Variants in AGAP1 observed in about 807,000 individuals in gnomAD.
AGAP1 encodes arf-GAP with GTPase, ANK repeat and PH domain-containing protein 1.
Under a neutral mutation model 105.3 loss-of-function variants are expected in AGAP1, and 29 were observed. The ratio of observed to expected loss-of-function variants is 0.28; its 90% CI spans 0.21 to 0.38. The LOEUF is 0.38. Among genes scored for constraint, AGAP1 ranks in the 10% least tolerant of loss-of-function variants. AGAP1 has a pLI of 1.00. For synonymous variants in AGAP1, 509 were observed against 485.9 expected, an observed-to-expected ratio of 1.05 and a Z score of -0.63; for missense variants, 998 against 1,165.1, an observed-to-expected ratio of 0.86 and a Z score of 2.09.
chr2:235,618,420 T>C (rs1946374911), intron 1 of AGAP1, among the ~76,000 whole-genome samples: 1 of 152,160 alleles, frequency 6.6e-6, no homozygotes, highest in African/African-American at 2.4e-5. Flanking sequence ...TTGAAGCCCC[T>C]ATCTGTCCAG....
At chr2:235,761,285 C>G (rs1404094630) in intron 6 of AGAP1, among the ~76,000 whole-genome samples, 1 of 152,150 alleles carries the variant, frequency 6.6e-6, no homozygotes. Context: ...GCTTCTCTTA[C>G]TAGAAACGTT....
At position 235,717,580 on chromosome 2, in the gene AGAP1, C is replaced by T. The variant is rs747735033; in HGVS notation, c.246C>T (p.Ser82=). ...AGGGAATTGTGGGTAACTTGGCCAGCGGCAAGTCTGCCCTGGTGCACCGGT... is the reference window on the plus strand; with the variant it reads ...AGGGAATTGTGGGTAACTTGGCCAGTGGCAAGTCTGCCCTGGTGCACCGGT... ...LKVGIVGNLA[S]GKSALVHRYL... Residue 82 remains serine (S), a synonymous_variant, in exon 3 of 18, where the codon AGC becomes AGT. Transcript: ENST00000304032. 1.7e-5 allele frequency: 28 copies of T among 1,600,304 alleles called. No homozygotes were observed. The highest frequency in any genetic ancestry group is 9.4e-5 in the African/African-American group (7 of 74,154).
intron 16 of AGAP1, among the ~76,000 whole-genome samples, chr2:236,066,982 C>T (rs1011340393): frequency 6.6e-6 from 1 of 151,980 alleles, no homozygotes; most frequent in Non-Finnish European, 1.5e-5. Context: ...ATACATTTTC[C>T]CCATGTAAGG....
chr2:235,874,448 C>T lies in AGAP1; in HGVS notation c.1051-8897C>T, dbSNP rs550114180. On this transcript the variant is annotated intron_variant, in intron 9 of 17. Coordinates refer to ENST00000304032, the MANE Select transcript of AGAP1 (RefSeq NM_001037131.3). This position sits in a 1 kb window ranked among gnomAD's most constrained non-coding sequence, Gnocchi z 4.5. ...TGCAGCAGCTTCTCAGACATGGCTG[C>T]CCTCATGCCTCCTTGGGGCCAGGGC... 1.0e-3 allele frequency among the ~76,000 whole-genome samples: 152 copies of T among 152,320 alleles called. No individual in the cohort carries two copies. Among genetic ancestry groups the T allele is most frequent in the African/African-American group, 3.4e-3 (141 of 41,558 alleles).
intron 1 of AGAP1, among the ~76,000 whole-genome samples, chr2:235,638,018 C>A: frequency 6.6e-6 from 1 of 152,186 alleles, no homozygotes; most frequent in African/African-American, 2.4e-5. Flanking sequence ...ACTGATCGAG[C>A]TGTTATCTCT....
At chr2:235,846,340 T>C (rs80118247) in intron 9 of AGAP1, among the ~76,000 whole-genome samples, 4,059 of 152,260 alleles carry the variant, frequency 0.027, 164 homozygotes, top group African/African-American at 0.089. Context: ...ATTATTTATT[T>C]ATTGACAGAA....
intron 9 of AGAP1, among the ~76,000 whole-genome samples, chr2:235,812,360 T>A (rs1218829679): frequency 6.6e-6 from 1 of 152,196 alleles, no homozygotes; most frequent in Non-Finnish European, 1.5e-5. Context: ...TGAACTGTTT[T>A]GAAGCTGTGC....
rs1317367140 is a variant in AGAP1 at position 235,904,724 on chromosome 2, C to CT, written c.1156-4011dup. Among the ~76,000 whole-genome samples the CT allele has an allele frequency of 1.3e-5, 2 of 152,140 alleles. No individual in the cohort carries two copies. Among genetic ancestry groups the CT allele is most frequent in the Admixed American group, 6.5e-5 (1 of 15,270 alleles). On this transcript the variant is annotated intron_variant, in intron 10 of 17. Coordinates refer to ENST00000304032, the MANE Select transcript of AGAP1 (RefSeq NM_001037131.3). This position sits in a 1 kb window ranked among gnomAD's most constrained non-coding sequence, Gnocchi z 4.2. The stretch of plus-strand genomic sequence containing the variant: ...GGAGGACATTGTTTAGTGGTTGTAG[C>CT]TTTAATTCCTCAAGTACCAAGCTGG...
chr2:236,014,654 G>A lies in AGAP1; in HGVS notation c.1646-21907G>A, dbSNP rs369314700. 6.6e-6 allele frequency among the ~76,000 whole-genome samples: 1 copy of A among 152,120 alleles called. No individual in the cohort carries two copies. The highest frequency in any genetic ancestry group is 6.5e-5 in the Admixed American group (1 of 15,278). On this transcript the variant is annotated intron_variant, in intron 13 of 17. Coordinates refer to ENST00000304032, the MANE Select transcript of AGAP1 (RefSeq NM_001037131.3). This position sits in a 1 kb window ranked among gnomAD's most constrained non-coding sequence, Gnocchi z 6.3. ...GGAGTTGGAGGGCTCAGCCCAGGGA[G>A]CTCCATGGCACCCACCCGCTTCGCG...
chr2:235,984,754 C>T (rs2055239081), intron 13 of AGAP1, among the ~76,000 whole-genome samples: 1 of 152,160 alleles, frequency 6.6e-6, no homozygotes, highest in Admixed American at 6.5e-5. Context: ...CTTCCAGCTT[C>T]ATCCATGTCC....
intron 1 of AGAP1, among the ~76,000 whole-genome samples, chr2:235,501,621 A>AT: frequency 6.6e-6 from 1 of 152,082 alleles, no homozygotes; most frequent in East Asian, 1.9e-4. Context: ...CAGGCGTTTT[A>AT]TTTTGTTAAG....
intron 1 of AGAP1, among the ~76,000 whole-genome samples, chr2:235,575,037 C>T (rs1944687338): frequency 6.6e-6 from 1 of 152,018 alleles, no homozygotes; most frequent in South Asian, 2.1e-4. Flanking sequence ...GTGGGATGAT[C>T]GCTGGAGCTT....
At position 235,667,207 on chromosome 2, in the gene AGAP1, G is replaced by T. The variant is rs541453016; in HGVS notation, c.164-41972G>T. On this transcript the variant is annotated intron_variant, in intron 1 of 17. Coordinates refer to ENST00000304032, the MANE Select transcript of AGAP1 (RefSeq NM_001037131.3). Reference sequence around the variant, plus strand: ...CACGTAGCCTTAGCATTTTTCGGGAGTTGGGTCAATTCTTTGAGGACAGAA... The same window carrying T: ...CACGTAGCCTTAGCATTTTTCGGGATTTGGGTCAATTCTTTGAGGACAGAA... Among the ~76,000 whole-genome samples, 5 of 152,276 alleles carry T rather than the reference G, an allele frequency of 3.3e-5. No individual in the cohort carries two copies. In the East Asian group the frequency reaches 7.7e-4, roughly 24 times the overall value.
chr2:236,059,641 T>G (rs1436377243), intron 16 of AGAP1, among the ~76,000 whole-genome samples: 2 of 152,126 alleles, frequency 1.3e-5, no homozygotes, highest in East Asian at 3.9e-4. Context: ...TGAAGCGGAA[T>G]CGAGAGTCCA....
chr2:235,622,611 C>T lies in AGAP1; in HGVS notation c.164-86568C>T, dbSNP rs186137269. Among the ~76,000 whole-genome samples the T allele has an allele frequency of 2.6e-5, 4 of 152,202 alleles. No homozygotes were observed. Among genetic ancestry groups the T allele is most frequent in the East Asian group, 3.9e-4 (2 of 5,176 alleles). ...TCAACTTTGACGCTTCAGCCAACGT[C>T]GGTTTTGAGAATGCGACCTATGAAA... is the stretch of plus-strand genomic sequence containing the variant. On this transcript the variant is annotated intron_variant, in intron 1 of 17. Coordinates refer to ENST00000304032, the MANE Select transcript of AGAP1 (RefSeq NM_001037131.3). The surrounding 1 kb of genome is among the most constrained non-coding windows in gnomAD (Gnocchi z 5.0).
At chr2:235,763,076 G>C (rs1212478171) in intron 6 of AGAP1, among the ~76,000 whole-genome samples, 1 of 151,138 alleles carries the variant, frequency 6.6e-6, no homozygotes, top group Non-Finnish European at 1.5e-5. Context: ...GCGCACACGT[G>C]CACCTGCCGT....
chr2:235,768,020 C>T (rs1255200644), intron 6 of AGAP1, among the ~76,000 whole-genome samples: 1 of 152,160 alleles, frequency 6.6e-6, no homozygotes, highest in Non-Finnish European at 1.5e-5. Context: ...CTCCTGGCCT[C>T]AGCCATTCCA....
intron 1 of AGAP1, among the ~76,000 whole-genome samples, chr2:235,523,801 G>T: frequency 6.7e-6 from 1 of 148,548 alleles, no homozygotes; most frequent in Non-Finnish European, 1.5e-5. Flanking sequence ...CTGCTTCCCT[G>T]CCCTTCCAGT....
intron 1 of AGAP1, among the ~76,000 whole-genome samples, chr2:235,571,932 T>TTGTGTG (rs141898525): frequency 0.031 from 3,248 of 103,612 alleles, 197 homozygotes; most frequent in African/African-American, 0.11. Context: ...TGCCCACACT[T>TTGTGTG]TGTGTGTGTG....
Sources: allele counts gnomAD v4.1 joint callset (sites outside exome capture counted in the v4.1 genomes callset), GRCh38; gene constraint gnomAD v4.1.1; non-coding constraint Gnocchi (gnomAD v3.1); transcripts MANE v1.5; gene names NCBI Gene and HGNC (gene_info 2026-07-23, HGNC 2026-07-21).